RIMS2: variants seen among roughly 807,000 people sequenced by gnomAD.
The protein encoded by RIMS2 is regulating synaptic membrane exocytosis protein 2.
A neutral mutation model predicts 174.4 loss-of-function variants in RIMS2; 59 were observed. The observed-to-expected ratio is 0.34, with a 90% CI of 0.27 to 0.42. The LOEUF (loss-of-function observed/expected upper bound fraction) is 0.42. RIMS2 is among the 10% of genes least tolerant of loss of function. The probability of loss-of-function intolerance (pLI) is 1.00; values close to 1 mark genes in which losing one functional copy is unlikely to be tolerated. For synonymous variants in RIMS2, 606 were observed against 572.5 expected (o/e 1.06, Z -0.84); for missense variants, 1,620 against 1,666.3 (o/e 0.97, Z 0.48).
At chr8:103,996,985 A>C (rs2095141897) in intron 17 of RIMS2, among the ~76,000 whole-genome samples, 1 of 151,856 alleles carries the variant, frequency 6.6e-6, no homozygotes, top group Non-Finnish European at 1.5e-5. Flanking sequence ...ATCAATGTCT[A>C]ATACCAAACG....
chr8:103,712,017 G>A (rs987945920), intron 2 of RIMS2, among the ~76,000 whole-genome samples: 6 of 151,048 alleles, frequency 4.0e-5, no homozygotes, highest in Admixed American at 2.6e-4. Context: ...TTAGAGATGT[G>A]GTTTCACTCT....
chr8:103,793,449 T>C (rs1393306375), intron 3 of RIMS2, among the ~76,000 whole-genome samples: 4 of 152,012 alleles, frequency 2.6e-5, no homozygotes, highest in Non-Finnish European at 5.9e-5. Context: ...TAAGAGCTGT[T>C]TCTGACAAAC....
intron 19 of RIMS2, among the ~76,000 whole-genome samples, chr8:104,092,106 A>G (rs951425847): frequency 4.0e-5 from 6 of 151,876 alleles, no homozygotes; most frequent in African/African-American, 1.4e-4. Context: ...ATGGATATCT[A>G]GATACTGAGA....
At chr8:103,965,945 T>G (rs2091699699) in intron 15 of RIMS2, among the ~76,000 whole-genome samples, 1 of 152,106 alleles carries the variant, frequency 6.6e-6, no homozygotes, top group Admixed American at 6.5e-5. Flanking sequence ...GTGGATTACA[T>G]TAATTGATTT....
At chr8:103,573,443 G>T (rs1210777888) in intron 1 of RIMS2, among the ~76,000 whole-genome samples, 2 of 152,130 alleles carry the variant, frequency 1.3e-5, no homozygotes, top group Admixed American at 6.6e-5. Flanking sequence ...CATATTGCTA[G>T]CCAGTTTGTT....
chr8:104,155,251 C>T (rs1018587662), intron 19 of RIMS2, among the ~76,000 whole-genome samples: 6 of 151,208 alleles, frequency 4.0e-5, no homozygotes, highest in East Asian at 3.9e-4. Flanking sequence ...GGACTACAGG[C>T]GCCCGCCACC....
At chr8:103,867,231 A>G (rs549129264) in intron 3 of RIMS2, among the ~76,000 whole-genome samples, 1 of 152,048 alleles carries the variant, frequency 6.6e-6, no homozygotes, top group Non-Finnish European at 1.5e-5. Flanking sequence ...AAGATTGTCT[A>G]CATTCTTAAG....
At chr8:103,634,047 C>T (rs1417347485) in intron 1 of RIMS2, among the ~76,000 whole-genome samples, 1 of 152,074 alleles carries the variant, frequency 6.6e-6, no homozygotes, top group Non-Finnish European at 1.5e-5. Flanking sequence ...TGTTATTTCT[C>T]ATCTTCTGCT....
Position 103,727,639 on chromosome 8 carries a change from C to T in RIMS2, c.387+30343C>T, listed in dbSNP as rs184905079. On this transcript the variant is annotated intron_variant, in intron 2 of 23. Coordinates refer to ENST00000504942, the Ensembl canonical transcript of RIMS2. ...TTTTGGCAAGAGATTGGGATCTAGT[C>T]TTATTCTTCTGTGTATGGATATGCA... Among the ~76,000 whole-genome samples, 554 of 152,194 alleles carry T rather than the reference C, an allele frequency of 3.6e-3. 1 individual carries two copies. The highest frequency in any genetic ancestry group is 5.2e-3 in the Non-Finnish European group (355 of 67,970).
chr8:103,922,994 T>C (rs2154529942), intron 10 of RIMS2, among the ~76,000 whole-genome samples: 1 of 152,138 alleles, frequency 6.6e-6, no homozygotes, highest in African/African-American at 2.4e-5. Context: ...CTTTATTATC[T>C]TTTTTCCTTT....
At chr8:103,885,462 C>G (rs779291464) in exon 4 of RIMS2, 1 of 1,612,602 alleles carries the variant, frequency 6.2e-7, no homozygotes. Context: ...TATGAAGACT[C>G]TGATCATTTA....
At chr8:104,071,193 G>A (rs1413195825) in intron 19 of RIMS2, among the ~76,000 whole-genome samples, 2 of 152,018 alleles carry the variant, frequency 1.3e-5, no homozygotes, top group African/African-American at 2.4e-5. Flanking sequence ...ATTTTACTTC[G>A]ATTCATGAAT....
chr8:104,183,665 C>T (rs1268575045), intron 19 of RIMS2, among the ~76,000 whole-genome samples: 4 of 151,494 alleles, frequency 2.6e-5, no homozygotes, highest in Non-Finnish European at 3.0e-5. Context: ...GGAAATACTG[C>T]AGGTATTCAT....
chr8:103,768,324 T>G, intron 3 of RIMS2: 1 of 660,748 alleles, frequency 1.5e-6, no homozygotes, highest in Non-Finnish European at 2.8e-6. Flanking sequence ...TGCCAGAAAC[T>G]CATTGAAGTG....
At chr8:103,973,126 A>G (rs1180021289) in intron 15 of RIMS2, among the ~76,000 whole-genome samples, 1 of 152,218 alleles carries the variant, frequency 6.6e-6, no homozygotes, top group Non-Finnish European at 1.5e-5. Flanking sequence ...GTATACTGCT[A>G]TCAGCTTCAT....
At chr8:103,856,976 G>C (rs546188395) in intron 3 of RIMS2, among the ~76,000 whole-genome samples, 1 of 151,846 alleles carries the variant, frequency 6.6e-6, no homozygotes, top group African/African-American at 2.4e-5. Flanking sequence ...TCTTTAAAAA[G>C]ATTTCCAATA....
At chr8:103,749,348 G>A (rs2097858165) in intron 2 of RIMS2, among the ~76,000 whole-genome samples, 1 of 151,698 alleles carries the variant, frequency 6.6e-6, no homozygotes, top group Non-Finnish European at 1.5e-5. Flanking sequence ...TCCTGACCTC[G>A]TGATCCGCCC....
intron 1 of RIMS2, among the ~76,000 whole-genome samples, chr8:103,598,503 C>T (rs1356430598): frequency 6.6e-6 from 1 of 152,092 alleles, no homozygotes; most frequent in African/African-American, 2.4e-5. Context: ...GGAAAATATG[C>T]ACTAGGAGAT....
chr8:103,620,918 A>G (rs556562183), intron 1 of RIMS2, among the ~76,000 whole-genome samples: 3 of 152,218 alleles, frequency 2.0e-5, no homozygotes, highest in Admixed American at 6.5e-5. Flanking sequence ...GGTGGATAGA[A>G]CAAAGATGTG....
Sources: gnomAD v4.1 joint callset for allele counts (sites outside exome capture counted in the v4.1 genomes callset) on GRCh38, gnomAD v4.1.1 for gene constraint, MANE v1.5 for transcripts, NCBI Gene and HGNC (gene_info 2026-07-23, HGNC 2026-07-21) for gene names.